The following MAPK10 variants were observed in gnomAD, a reference collection of about 807,000 sequenced individuals.
MAPK10 encodes the protein mitogen-activated protein kinase 10.
Under a neutral mutation model 59.3 loss-of-function variants are expected in MAPK10, and 25 were observed. The observed-to-expected ratio is 0.42, with a 90% CI of 0.31 to 0.59. The LOEUF (loss-of-function observed/expected upper bound fraction) is 0.59. MAPK10 is among the 20% of genes least tolerant of loss of function. The probability of loss-of-function intolerance (pLI) is 0.15; values close to 1 mark genes in which losing one functional copy is unlikely to be tolerated. For missense variants in MAPK10, 351 were observed against 568.9 expected (o/e 0.62, Z 3.90); for synonymous variants, 190 against 200.5 (o/e 0.95, Z 0.44).
intron 13 of MAPK10, among the ~76,000 whole-genome samples, chr4:86,026,245 T>C (rs963579729): frequency 1.3e-5 from 2 of 152,218 alleles, no homozygotes; most frequent in African/African-American, 4.8e-5. Context: ...AAACTCAGAA[T>C]TGGTGAATCA....
chr4:86,337,937 C>T (rs764328964), intron 2 of MAPK10, among the ~76,000 whole-genome samples: 2 of 152,194 alleles, frequency 1.3e-5, no homozygotes, highest in Non-Finnish European at 2.9e-5. Flanking sequence ...TCCTCCAATC[C>T]TATCCATCTA....
intron 1 of MAPK10, among the ~76,000 whole-genome samples, chr4:86,389,943 A>T (rs1382481856): frequency 6.6e-6 from 1 of 152,162 alleles, no homozygotes; most frequent in Non-Finnish European, 1.5e-5. Context: ...GCCCCCATCT[A>T]TCCAACTACA....
chr4:86,470,501 C>T (rs551423121), intron 1 of MAPK10, among the ~76,000 whole-genome samples: 1 of 152,118 alleles, frequency 6.6e-6, no homozygotes, highest in African/African-American at 2.4e-5. Context: ...TAAATATTTG[C>T]TTTCCTATAT....
chr4:86,368,215 G>T (rs184788508), intron 1 of MAPK10, among the ~76,000 whole-genome samples: 1 of 152,192 alleles, frequency 6.6e-6, no homozygotes, highest in African/African-American at 2.4e-5. Flanking sequence ...GACTTTATTT[G>T]TAGGGCAGCT....
At chr4:86,319,050 A>C (rs1564333130) in intron 2 of MAPK10, among the ~76,000 whole-genome samples, 1 of 152,214 alleles carries the variant, frequency 6.6e-6, no homozygotes, top group Non-Finnish European at 1.5e-5. Context: ...AGAAGGGACC[A>C]ACACTCATTC....
intron 2 of MAPK10, among the ~76,000 whole-genome samples, chr4:86,285,422 G>A (rs1025145680): frequency 6.6e-6 from 1 of 151,970 alleles, no homozygotes; most frequent in Non-Finnish European, 1.5e-5. Flanking sequence ...TCACCATGTT[G>A]GTCAGGCAGT....
At chr4:86,464,806 C>T (rs929836452) in intron 1 of MAPK10, among the ~76,000 whole-genome samples, 11 of 148,332 alleles carry the variant, frequency 7.4e-5, no homozygotes, top group East Asian at 4.0e-4. Context: ...GGCAACAGAG[C>T]GAGACTCTGT....
chr4:86,470,240 T>C (rs750992308), intron 1 of MAPK10, among the ~76,000 whole-genome samples: 1 of 152,218 alleles, frequency 6.6e-6, no homozygotes, highest in Non-Finnish European at 1.5e-5. Context: ...TAAATGAAGA[T>C]GCATCCCATT....
chr4:86,255,743 AG>A (rs1204193820), intron 2 of MAPK10, among the ~76,000 whole-genome samples: 3 of 152,198 alleles, frequency 2.0e-5, no homozygotes, highest in Non-Finnish European at 4.4e-5. Flanking sequence ...TGCTTTGCCA[AG>A]ACCCTAAACA....
At chr4:86,307,637 C>A (rs1355161240) in intron 2 of MAPK10, among the ~76,000 whole-genome samples, 2 of 152,040 alleles carry the variant, frequency 1.3e-5, no homozygotes, top group African/African-American at 4.8e-5. Context: ...TAAAAGAATG[C>A]AAAGACCAAA....
chr4:86,143,083 C>A (rs924336689), intron 4 of MAPK10, among the ~76,000 whole-genome samples: 2 of 152,112 alleles, frequency 1.3e-5, no homozygotes, highest in African/African-American at 4.8e-5. Context: ...ACAATCATGG[C>A]AGAAGGCAAA....
At chr4:86,551,586 C>G (rs1759788849) in intron 1 of MAPK10, among the ~76,000 whole-genome samples, 1 of 151,382 alleles carries the variant, frequency 6.6e-6, no homozygotes, top group Non-Finnish European at 1.5e-5. Context: ...TTCTCTCTCT[C>G]TCTCTCTCTG....
At chr4:86,075,769 G>C (rs561266078) in intron 9 of MAPK10, among the ~76,000 whole-genome samples, 1 of 152,124 alleles carries the variant, frequency 6.6e-6, no homozygotes, top group Non-Finnish European at 1.5e-5. Flanking sequence ...CTCCAGCTGC[G>C]TGCTGGGAGA....
At chr4:86,348,197 A>T (rs1037393401) in intron 2 of MAPK10, among the ~76,000 whole-genome samples, 2 of 152,158 alleles carry the variant, frequency 1.3e-5, no homozygotes, top group Non-Finnish European at 2.9e-5. Flanking sequence ...TTTAGGTCCA[A>T]TATTCATCTT....
At chr4:86,127,420 A>C (rs1447970249) in intron 4 of MAPK10, among the ~76,000 whole-genome samples, 1 of 152,078 alleles carries the variant, frequency 6.6e-6, no homozygotes, top group African/African-American at 2.4e-5. Context: ...ATTTCTATGA[A>C]CATGACTCAA....
At chr4:86,360,892 GT>G (rs1392636160), upstream of MAPK10, among the ~76,000 whole-genome samples, 1 of 152,054 alleles carries the variant, frequency 6.6e-6, no homozygotes. Flanking sequence ...TACCAAATTT[GT>G]TTTACCTTTT....
intron 2 of MAPK10, among the ~76,000 whole-genome samples, chr4:86,335,555 CCTTT>C (rs2148924436): frequency 6.6e-6 from 1 of 151,946 alleles, no homozygotes; most frequent in Admixed American, 6.6e-5. Context: ...TTCTCTTACT[CCTTT>C]CTTTCTCCCT....
intron 1 of MAPK10, among the ~76,000 whole-genome samples, chr4:86,392,883 T>A (rs1742425608): frequency 6.6e-6 from 1 of 152,128 alleles, no homozygotes; most frequent in African/African-American, 2.4e-5. Flanking sequence ...TTTGGGGAGA[T>A]GGAGAGAGGT....
chr4:86,062,396 T>C (rs985150366), intron 11 of MAPK10, among the ~76,000 whole-genome samples: 2 of 152,136 alleles, frequency 1.3e-5, no homozygotes, highest in African/African-American at 2.4e-5. Context: ...ATCTTTTCAT[T>C]CTACAAAGAA....
Sources: gnomAD v4.1 joint callset for allele counts (sites outside exome capture counted in the v4.1 genomes callset) on GRCh38, gnomAD v4.1.1 for gene constraint, MANE v1.5 for transcripts, NCBI Gene and HGNC (gene_info 2026-07-23, HGNC 2026-07-21) for gene names.